MTMR4: variants seen among roughly 807,000 people sequenced by gnomAD.
The protein encoded by MTMR4 is phosphatidylinositol-3,5-bisphosphate 3-phosphatase MTMR4.
A neutral mutation model predicts 125.5 loss-of-function variants in MTMR4; 30 were observed. That is an observed-to-expected ratio of 0.24 (90% CI 0.18 to 0.32). The LOEUF (loss-of-function observed/expected upper bound fraction) is 0.32, where lower values mean the gene tolerates loss of function less well. Among genes scored for constraint, MTMR4 ranks in the 10% least tolerant of loss-of-function variants. MTMR4 has a pLI of 1.00. For synonymous variants in MTMR4, 498 were observed against 564.5 expected (o/e 0.88, Z 1.67); for missense variants, 1,039 against 1,511.5 (o/e 0.69, Z 5.18).
At chr17:58,509,250 G>A (rs1314629904) in intron 4 of MTMR4, among the ~76,000 whole-genome samples, 1 of 150,832 alleles carries the variant, frequency 6.6e-6, no homozygotes, top group Non-Finnish European at 1.5e-5. Flanking sequence ...CATCTCCTTG[G>A]TTTATCTTCT....
Position 58,514,615 on chromosome 17 carries a change from C to T in MTMR4, c.-208G>A. 1.0e-6 allele frequency: 1 copy of T among 985,268 alleles called. No homozygotes were observed. Among genetic ancestry groups the T allele is most frequent in the Non-Finnish European group, 1.2e-6 (1 of 829,880 alleles). 61.0% of individuals were successfully genotyped at this position (985,268 alleles called of 1,614,324 possible). On this transcript the variant is annotated 5_prime_UTR_variant, in exon 1 of 18. Coordinates refer to ENST00000682306, the MANE Select transcript of MTMR4 (RefSeq NM_001378067.1). Reference sequence around the variant, plus strand: ...ATGGAGCGGGCCCAGCTCCGCCCTCCCGCACGAGTGCAGAAGGGAGGGGAG... The same window carrying T: ...ATGGAGCGGGCCCAGCTCCGCCCTCTCGCACGAGTGCAGAAGGGAGGGGAG...
intron 9 of MTMR4, 91 bp from the exon 10 acceptor site, chr17:58,505,674 GAAGCGGTT>G: frequency 2.6e-6 from 2 of 755,200 alleles, no homozygotes; most frequent in Non-Finnish European, 4.5e-6. Context: ...TTGGGAGGCT[GAAGCGGTT>G]GGATCACCTG....
At chr17:58,493,383 C>T (rs1975365766) in intron 15 of MTMR4, among the ~76,000 whole-genome samples, 1 of 152,236 alleles carries the variant, frequency 6.6e-6, no homozygotes, top group African/African-American at 2.4e-5. Flanking sequence ...GACAAGGTCT[C>T]GCTCTTTTGC....
intron 4 of MTMR4, among the ~76,000 whole-genome samples, chr17:58,510,410 T>C (rs1975896214): frequency 6.6e-6 from 1 of 152,192 alleles, no homozygotes; most frequent in South Asian, 2.1e-4. Flanking sequence ...TTCCACCAAA[T>C]AGCCACATGG....
rs1468572490 is a variant in MTMR4, at chr17:58,495,874, A to C, written c.2310T>G (p.Pro770=). 6.2e-7 allele frequency: 1 copy of C among 1,614,162 alleles called. No individual in the cohort carries two copies. Among genetic ancestry groups the C allele is most frequent in the East Asian group, 2.2e-5 (1 of 44,886 alleles). The part of the protein sequence containing the change: ...DGIGEPPEHC[P]ETEAVSALSK... ...AGAGTGCACTGACAGCTTCTGTTTC[A>C]GGACAATGTTCAGGTGGCTCCCCTA... The change falls in exon 15 of 18, where the codon CCT becomes CCG. Residue 770 remains proline (P), a synonymous_variant. Transcript: ENST00000682306.
intron 14 of MTMR4, among the ~76,000 whole-genome samples, chr17:58,500,423 A>C (rs946114863): frequency 7.9e-5 from 12 of 151,828 alleles, no homozygotes; most frequent in African/African-American, 2.7e-4. Context: ...CACTGCACCC[A>C]GCCTGAACTA....
Position 58,507,229 on chromosome 17 carries a change from G to A in MTMR4, c.798C>T (p.Val266=). ...GWRNADDEYL[V]TSIAKACALD... ...GGGCACAGGCTTTAGCAATGGACGT[G>A]ACCAGGTACTCATCATCAGCATTGC... The change falls in exon 8 of 18, where the codon GTC becomes GTT. Residue 266 remains valine (V), a synonymous_variant. Coordinates refer to ENST00000682306, the MANE Select transcript of MTMR4 (RefSeq NM_001378067.1). The A allele has an allele frequency of 1.2e-6, 2 of 1,614,178 alleles. No homozygotes were observed. Among genetic ancestry groups the A allele is most frequent in the South Asian group, 1.1e-5 (1 of 91,068 alleles).
intron 14 of MTMR4, among the ~76,000 whole-genome samples, chr17:58,502,486 A>C (rs1397264631): frequency 6.7e-6 from 1 of 150,362 alleles, no homozygotes; most frequent in African/African-American, 2.5e-5. Flanking sequence ...AAAAAGCTAC[A>C]CATATAAGGA....
Position 58,511,482 on chromosome 17 carries a change from C to G in MTMR4, c.282G>C (p.Glu94Asp). The G allele has an allele frequency of 6.2e-7, 1 of 1,612,830 alleles. No homozygotes were observed. Among genetic ancestry groups the G allele is most frequent in the Non-Finnish European group, 8.5e-7 (1 of 1,179,504 alleles). Residue 94 changes from glutamate (E) to aspartate (D), a missense_variant, in exon 4 of 18, where the codon GAG becomes GAC. Around this residue, in one of 6 missense-constraint regions of MTMR4, gnomAD observed 202 missense variants for 311.9 expected, o/e 0.65. Transcript: ENST00000682306. ...NVPLRMIDSV[E>D]SRDMFQLHIS... ...TGTGCAACTGGAACATATCACGGCT[C>G]TCCACACTGTCAATCATCCGGAGGG...
In MTMR4 at chr17:58,491,102, C is replaced by T. The variant is rs960872426; in HGVS notation, c.*561G>A. On this transcript the variant is annotated 3_prime_UTR_variant, in exon 18 of 18. Coordinates refer to ENST00000682306, the MANE Select transcript of MTMR4 (RefSeq NM_001378067.1). ...ACATTGAAACCTCCACTTGCTGAGCCAGTCTTCAAACCAAACTCCACAGAA... is the reference window on the plus strand; with the variant it reads ...ACATTGAAACCTCCACTTGCTGAGCTAGTCTTCAAACCAAACTCCACAGAA... The T allele has an allele frequency of 6.5e-6, 1 of 152,732 alleles. No individual in the cohort carries two copies. The highest frequency in any genetic ancestry group is 1.5e-5 in the Non-Finnish European group (1 of 68,126). 9.5% of individuals were successfully genotyped at this position (152,732 alleles called of 1,614,324 possible). A position where few individuals can be genotyped will look rare whatever the true frequency, so the allele number is the denominator to read the frequency against.
At chr17:58,507,955 TC>T (rs529974294) in intron 7 of MTMR4, 18 of 448,038 alleles carry the variant, frequency 4.0e-5, no homozygotes, top group South Asian at 3.8e-4. Flanking sequence ...ACACACACAC[TC>T]TAAAAAAAGG....
In MTMR4 at chr17:58,503,765, A is replaced by G; in HGVS notation, c.1832T>C (p.Phe611Ser). 6.2e-7 allele frequency: 1 copy of G among 1,614,002 alleles called. No individual in the cohort carries two copies. The highest frequency in any genetic ancestry group is 8.5e-7 in the Non-Finnish European group (1 of 1,179,912). ...YLSPVAQSQE[F>S]SGRSLDRLPK... Reference sequence around the variant, plus strand: ...TTACCTGTCCAGAGAGCGGCCAGAGAACTCCTGGCTCTGGGCCACTGGGGA... The same window carrying G: ...TTACCTGTCCAGAGAGCGGCCAGAGGACTCCTGGCTCTGGGCCACTGGGGA... Residue 611 changes from phenylalanine to serine, a missense_variant, in exon 14 of 18, where the codon TTC becomes TCC. Physicochemically the swap from Phe to Ser is radical, Grantham distance 155. Around this residue, in one of 6 missense-constraint regions of MTMR4, gnomAD observed 619 missense variants for 714.5 expected, o/e 0.87. Coordinates refer to ENST00000682306, the MANE Select transcript of MTMR4 (RefSeq NM_001378067.1).
chr17:58,493,033 G>T, intron 15 of MTMR4, 81 bp from the exon 16 acceptor site: 1 of 1,067,478 alleles, frequency 9.4e-7, no homozygotes, highest in Non-Finnish European at 1.4e-6. Context: ...ACTGTGCTAA[G>T]TGCATTACAC....
rs745836286 is a variant in MTMR4 at position 58,492,893 on chromosome 17, T to C, written c.3312A>G (p.Glu1104=). The change falls in exon 16 of 18, where the codon GAA becomes GAG. Residue 1104 remains glutamate, a synonymous_variant. Coordinates refer to ENST00000682306, the MANE Select transcript of MTMR4 (RefSeq NM_001378067.1). The part of the protein sequence containing the change: ...DTEDFGSDHS[E]DCLSEASWEP... ...CCCAGCTTGCTTCTGAAAGGCAGTC[T>C]TCACTGTGATCAGAGCCAAAATCCT... 2 of 1,614,236 alleles carry C rather than the reference T, an allele frequency of 1.2e-6. No homozygotes were observed. Among genetic ancestry groups the C allele is most frequent in the South Asian group, 2.2e-5 (2 of 91,080 alleles).
In MTMR4 at chr17:58,508,600, A is replaced by G. The variant is rs1284593000; in HGVS notation, c.497-36T>C. On this transcript the variant is annotated intron_variant, in intron 5 of 17. Coordinates refer to ENST00000682306, the MANE Select transcript of MTMR4 (RefSeq NM_001378067.1). The surrounding 1 kb of genome is among the most constrained non-coding windows in gnomAD (Gnocchi z 4.8). ...GCCCCCACGATGGTTAGCTTCCCAG[A>G]GCACCAATGTGCAGGAGTGGAGGAG... 5.6e-6 allele frequency: 9 copies of G among 1,614,142 alleles called. No homozygotes were observed. Among genetic ancestry groups the G allele is most frequent in the Non-Finnish European group, 7.6e-6 (9 of 1,179,968 alleles).
chr17:58,496,378 A>C, intron 14 of MTMR4, 48 bp from the exon 15 acceptor site: 2 of 1,457,458 alleles, frequency 1.4e-6, no homozygotes, highest in Non-Finnish European at 1.9e-6. Flanking sequence ...GGGCACTTGC[A>C]ATACAATATA....
Position 58,496,303 on chromosome 17 carries a change from A to G in MTMR4, c.1881T>C (p.Asp627=). 6.2e-7 allele frequency: 1 copy of G among 1,611,766 alleles called. No individual in the cohort carries two copies. Among genetic ancestry groups the G allele is most frequent in the African/African-American group, 1.3e-5 (1 of 74,952 alleles). Residue 627 remains aspartate (D), a synonymous_variant, in exon 15 of 18, where the codon GAT becomes GAC. Transcript: ENST00000682306. ...TGCTTGTGTCACAGGCAGAAAGAAG[A>G]TCATCCATGGATCTGGTTTTAGGTA... ...DRLPKTRSMD[D]LLSACDTSSP...
At chr17:58,494,536 C>T (rs923208303) in intron 15 of MTMR4, among the ~76,000 whole-genome samples, 1 of 152,140 alleles carries the variant, frequency 6.6e-6, no homozygotes, top group Non-Finnish European at 1.5e-5. Flanking sequence ...CCAGTGTAAG[C>T]GTGTATGCAT....
At chr17:58,518,000 A>T (rs1006993992), upstream of MTMR4, 2 of 152,846 alleles carry the variant, frequency 1.3e-5, no homozygotes, top group African/African-American at 4.8e-5. Flanking sequence ...TCACGCAGCC[A>T]CCGCCCTCAC....
Sources: gnomAD v4.1 joint callset for allele counts (sites outside exome capture counted in the v4.1 genomes callset) on GRCh38, gnomAD v4.1.1 for gene constraint, gnomAD v4.1.1 regional missense constraint, Gnocchi (gnomAD v3.1) non-coding constraint, MANE v1.5 for transcripts, NCBI Gene and HGNC (gene_info 2026-07-23, HGNC 2026-07-21) for gene names.